The following NUBPL variants were observed in gnomAD, a reference collection of about 807,000 sequenced individuals.
NUBPL encodes NUBP iron-sulfur cluster assembly factor, mitochondrial.
Under a neutral mutation model 45.7 loss-of-function variants are expected in NUBPL, and 31 were observed. The ratio of observed to expected loss-of-function variants is 0.68; its 90% confidence interval spans 0.51 to 0.92. The LOEUF (loss-of-function observed/expected upper bound fraction) is 0.92. Ranked by LOEUF, NUBPL falls within the 40% of genes least tolerant of loss-of-function variation. The pLI, the probability that NUBPL is intolerant of heterozygous loss-of-function variation, is 0.00. For missense variants in NUBPL, 401 were observed against 398.7 expected, an observed-to-expected ratio of 1.01 and a Z score of -0.05; for synonymous variants, 144 against 140.9, an observed-to-expected ratio of 1.02 and a Z score of -0.15.
chr14:31,618,576 TAGTTGTGC>T (rs2034973905), intron 4 of NUBPL, among the ~76,000 whole-genome samples: 1 of 152,218 alleles, frequency 6.6e-6, no homozygotes, highest in Non-Finnish European at 1.5e-5. Context: ...AGTTTCCATG[TAGTTGTGC>T]AGTTTTGAGT....
At chr14:31,841,730 T>G (rs976740700) in intron 8 of NUBPL, among the ~76,000 whole-genome samples, 2 of 152,058 alleles carry the variant, frequency 1.3e-5, no homozygotes, top group African/African-American at 4.8e-5. Flanking sequence ...ATTGCCTATT[T>G]TTTTCTAAAA....
intron 6 of NUBPL, among the ~76,000 whole-genome samples, chr14:31,760,144 T>TGAGAGAGAGAGAGAGAGA (rs1555335613): frequency 5.7e-5 from 2 of 34,838 alleles, no homozygotes; most frequent in African/African-American, 2.2e-4. Flanking sequence ...TGTGTGTGTG[T>TGAGAGAGAGAGAGAGAGA]GAGAGAGAGA....
intron 7 of NUBPL, 140 bp from the exon 8 acceptor site, chr14:31,826,489 C>T (rs1214080007): frequency 5.3e-6 from 4 of 759,116 alleles, no homozygotes; most frequent in South Asian, 1.5e-5. Flanking sequence ...TTGTCTTTCT[C>T]ATTCATGTGT....
intron 6 of NUBPL, among the ~76,000 whole-genome samples, chr14:31,729,135 G>A (rs903906219): frequency 6.6e-6 from 1 of 152,004 alleles, no homozygotes; most frequent in East Asian, 1.9e-4. Context: ...ACAAAAATTA[G>A]CTGGGCGTGT....
chr14:31,785,670 A>G (rs954900242), intron 6 of NUBPL, among the ~76,000 whole-genome samples: 4 of 152,030 alleles, frequency 2.6e-5, no homozygotes, highest in Non-Finnish European at 2.9e-5. Context: ...CTGTCTATCT[A>G]TCTTTCTGCA....
chr14:31,707,180 G>T (rs117809392), intron 6 of NUBPL, among the ~76,000 whole-genome samples: 128 of 152,328 alleles, frequency 8.4e-4, no homozygotes, highest in Non-Finnish European at 1.6e-3. Flanking sequence ...GTCCTGTTAG[G>T]AAACCTGCTG....
intron 6 of NUBPL, among the ~76,000 whole-genome samples, chr14:31,780,235 TG>T (rs2039168492): frequency 8.0e-6 from 1 of 125,356 alleles, no homozygotes; most frequent in African/African-American, 2.5e-5. Flanking sequence ...GCTAATTTTT[TG>T]TATTTTTTTT....
intron 4 of NUBPL, among the ~76,000 whole-genome samples, chr14:31,666,263 A>ATTTATTATTT: frequency 0.029 from 3,225 of 111,752 alleles, 268 homozygotes; most frequent in East Asian, 0.041. Context: ...ATATATATAT[A>ATTTATTATTT]ATTTTATTTT....
At chr14:31,698,428 C>T (rs1403486971) in intron 6 of NUBPL, among the ~76,000 whole-genome samples, 1 of 151,324 alleles carries the variant, frequency 6.6e-6, no homozygotes, top group Non-Finnish European at 1.5e-5. Context: ...GTTTTAGTAA[C>T]ATCCTCTTTT....
chr14:31,629,696 G>A (rs1469988468), intron 4 of NUBPL, among the ~76,000 whole-genome samples: 2 of 152,138 alleles, frequency 1.3e-5, no homozygotes, highest in Non-Finnish European at 2.9e-5. Flanking sequence ...GTAGAGAGTG[G>A]CTCCATGAAG....
chr14:31,860,788 C>A lies in NUBPL; in HGVS notation c.*1608C>A, dbSNP rs953810752. 7 of 152,074 alleles carry A rather than the reference C, an allele frequency of 4.6e-5. No homozygotes were observed. The highest frequency in any genetic ancestry group is 2.4e-5 in the African/African-American group (1 of 41,398). 9.4% of individuals were successfully genotyped at this position (152,074 alleles called of 1,614,324 possible). ...TAAACAAACCATAGTACATTCATAC[C>A]GTGAGTGCTACTCAGCAATAAAAAA... On this transcript the variant is annotated 3_prime_UTR_variant, in exon 11 of 11. Coordinates refer to ENST00000281081, the MANE Select transcript of NUBPL (RefSeq NM_025152.3).
intron 6 of NUBPL, among the ~76,000 whole-genome samples, chr14:31,780,933 CA>C (rs2039181765): frequency 6.6e-6 from 1 of 152,176 alleles, no homozygotes; most frequent in South Asian, 2.1e-4. Flanking sequence ...GGAAATTCAA[CA>C]GCATTCCTTA....
rs2138993423 is a variant in NUBPL, at chr14:31,846,606, T to A, written c.814+15T>A. On this transcript the variant is annotated intron_variant, in intron 9 of 10. Coordinates refer to ENST00000281081, the MANE Select transcript of NUBPL (RefSeq NM_025152.3). ...TGAAGTTCTAGGTAAGACTGTGGGA[T>A]GTTCTTTTGTAGAAGAAGTGGCAGA... 1 of 1,613,092 alleles carries A rather than the reference T, an allele frequency of 6.2e-7. No individual in the cohort carries two copies. Among genetic ancestry groups the A allele is most frequent in the East Asian group, 2.2e-5 (1 of 44,794 alleles).
At chr14:31,692,887 A>C (rs79435161) in intron 6 of NUBPL, among the ~76,000 whole-genome samples, 9,682 of 152,286 alleles carry the variant, frequency 0.064, 415 homozygotes, top group Non-Finnish European at 0.092. Context: ...GTGATTATAC[A>C]AGAAGCTGTA....
At chr14:31,700,701 G>T (rs2037313930) in intron 6 of NUBPL, among the ~76,000 whole-genome samples, 1 of 152,178 alleles carries the variant, frequency 6.6e-6, no homozygotes, top group African/African-American at 2.4e-5. Context: ...CAGCAGCTGT[G>T]GAGGGTGCGC....
At chr14:31,576,885 A>C (rs1350512221) in intron 3 of NUBPL, among the ~76,000 whole-genome samples, 1 of 152,214 alleles carries the variant, frequency 6.6e-6, no homozygotes, top group Non-Finnish European at 1.5e-5. Context: ...TGTTGATTGC[A>C]GTGCTTTTGC....
At chr14:31,621,221 G>A (rs748962303) in intron 4 of NUBPL, among the ~76,000 whole-genome samples, 5 of 152,160 alleles carry the variant, frequency 3.3e-5, no homozygotes, top group African/African-American at 7.2e-5. Context: ...GCTGGGCTCC[G>A]TGGGGTGGGA....
chr14:31,679,174 A>C (rs2036771061), intron 6 of NUBPL, among the ~76,000 whole-genome samples: 1 of 152,210 alleles, frequency 6.6e-6, no homozygotes, highest in African/African-American at 2.4e-5. Flanking sequence ...GGAAGGGTGG[A>C]GACCACAATT....
intron 3 of NUBPL, among the ~76,000 whole-genome samples, chr14:31,597,591 T>C (rs2034318109): frequency 6.6e-6 from 1 of 152,230 alleles, no homozygotes; most frequent in Non-Finnish European, 1.5e-5. Context: ...AAAGCTGTTA[T>C]TTTACTTGAC....
Sources: allele counts gnomAD v4.1 joint callset (sites outside exome capture counted in the v4.1 genomes callset), GRCh38; gene constraint gnomAD v4.1.1; transcripts MANE v1.5; gene names NCBI Gene and HGNC (gene_info 2026-07-23, HGNC 2026-07-21).